Variants in ZFHX3 observed in about 807,000 individuals in gnomAD.
The protein encoded by ZFHX3 is zinc finger homeobox 3.
In ZFHX3, 42 loss-of-function variants were observed where a neutral mutation model predicts 279.1. The observed-to-expected ratio is 0.15, with a 90% CI of 0.12 to 0.19. The LOEUF (loss-of-function observed/expected upper bound fraction) is 0.19. ZFHX3 is among the 10% of genes least tolerant of loss of function. The probability of loss-of-function intolerance (pLI) is 1.00; values close to 1 mark genes in which losing one functional copy is unlikely to be tolerated. For missense variants in ZFHX3, 4,981 were observed against 4,754.0 expected (o/e 1.05, Z -1.40); for synonymous variants, 2,293 against 1,957.8 (o/e 1.17, Z -4.52).
intron 4 of ZFHX3, among the ~76,000 whole-genome samples, chr16:73,296,877 A>ATGTTTTTTTTTTTTTTTTTTTTTTTTTT (rs755308796): frequency 8.6e-6 from 1 of 116,068 alleles, no homozygotes; most frequent in Non-Finnish European, 1.7e-5. Flanking sequence ...TGAAGCAGGA[A>ATGTTTTTTTTTTTTTTTTTTTTTTTTTT]TTTTTTTTTT....
chr16:73,361,372 G>A (rs575530992), intron 3 of ZFHX3, among the ~76,000 whole-genome samples: 2 of 152,352 alleles, frequency 1.3e-5, no homozygotes, highest in East Asian at 3.9e-4. Flanking sequence ...AAGATGCTTT[G>A]GCTTGAGCGA....
chr16:73,737,001 G>T (rs988140671), intron 1 of ZFHX3, among the ~76,000 whole-genome samples: 1 of 152,060 alleles, frequency 6.6e-6, no homozygotes, highest in South Asian at 2.1e-4. Context: ...CTATATTCAG[G>T]TCTCTTTCTG....
chr16:73,240,026 T>A (rs1217505994), intron 5 of ZFHX3, among the ~76,000 whole-genome samples: 2 of 111,488 alleles, frequency 1.8e-5, no homozygotes, highest in Non-Finnish European at 3.4e-5. Flanking sequence ...TTATTTTGTG[T>A]GTGTGTGTGT....
chr16:73,613,984 C>T (rs2052273764), intron 2 of ZFHX3, among the ~76,000 whole-genome samples: 1 of 152,174 alleles, frequency 6.6e-6, no homozygotes, highest in African/African-American at 2.4e-5. Flanking sequence ...TCTTTAGATC[C>T]AAAGATCAAG....
intron 2 of ZFHX3, among the ~76,000 whole-genome samples, chr16:73,460,198 T>C (rs926651670): frequency 1.3e-5 from 2 of 150,570 alleles, no homozygotes; most frequent in Non-Finnish European, 3.0e-5. Flanking sequence ...AAGAATGTTA[T>C]ATAAATGGAA....
intron 2 of ZFHX3, among the ~76,000 whole-genome samples, chr16:73,630,023 C>G (rs952725597): frequency 6.6e-6 from 1 of 152,014 alleles, no homozygotes; most frequent in African/African-American, 2.4e-5. Flanking sequence ...CATCCCCGGC[C>G]CATCCATCAT....
intron 2 of ZFHX3, among the ~76,000 whole-genome samples, chr16:73,632,510 AC>A (rs2052484168): frequency 2.0e-5 from 3 of 151,254 alleles, no homozygotes; most frequent in Admixed American, 6.6e-5. Context: ...ACATGGTGAA[AC>A]CCCATCTCTA....
At chr16:73,478,131 C>G (rs936820420) in intron 2 of ZFHX3, among the ~76,000 whole-genome samples, 4 of 151,800 alleles carry the variant, frequency 2.6e-5, no homozygotes, top group African/African-American at 9.7e-5. Context: ...CCTAGCTGGG[C>G]GTGGTGGTCC....
chr16:72,843,700 G>A (rs1370735702), intron 4 of ZFHX3, among the ~76,000 whole-genome samples: 1 of 152,092 alleles, frequency 6.6e-6, no homozygotes, highest in African/African-American at 2.4e-5. Flanking sequence ...CCTGGGTGCT[G>A]GCTCTGCGGG....
At chr16:73,461,599 C>T (rs1207759120) in intron 2 of ZFHX3, among the ~76,000 whole-genome samples, 1 of 152,098 alleles carries the variant, frequency 6.6e-6, no homozygotes, top group African/African-American at 2.4e-5. Context: ...CTTTTGTTTA[C>T]CTATGGAAGT....
At chr16:73,499,271 C>A (rs1236281439) in intron 2 of ZFHX3, 1 of 152,158 alleles carries the variant, frequency 6.6e-6, no homozygotes, top group Admixed American at 6.6e-5. Flanking sequence ...TTTCCTTCAG[C>A]GCCACCATGC....
intron 3 of ZFHX3, among the ~76,000 whole-genome samples, chr16:73,405,551 AACAGGCCACTGTAATTTAT>A (rs1352458483): frequency 1.7e-4 from 26 of 152,138 alleles, no homozygotes; most frequent in African/African-American, 5.8e-4. Context: ...GATAGAGGGA[AACAGGCCACTGTAATTTAT>A]ACATTAGTTT....
chr16:73,550,749 A>T (rs2020191164), intron 2 of ZFHX3, among the ~76,000 whole-genome samples: 2 of 152,254 alleles, frequency 1.3e-5, no homozygotes, highest in Admixed American at 1.3e-4. Flanking sequence ...AACAAAAAGA[A>T]TTCCTTATTG....
chr16:73,873,713 GA>G lies in ZFHX3; in HGVS notation c.-1608+17937del, dbSNP rs1185407534. On this transcript the variant is annotated intron_variant, in intron 1 of 17. Transcript: ENST00000641206. ...AATTGTGCTATGACTCTTTAGAAAGGAAAAAAATGCATATGAATCAAATAAT... is the reference window on the plus strand; with the variant it reads ...AATTGTGCTATGACTCTTTAGAAAGGAAAAAATGCATATGAATCAAATAAT... Among the ~76,000 whole-genome samples, 7 of 152,112 alleles carry G rather than the reference GA, an allele frequency of 4.6e-5. 1 individual carries two copies. Among genetic ancestry groups the G allele is most frequent in the Admixed American group, 4.6e-4 (7 of 15,290 alleles).
In ZFHX3 at chr16:73,506,777, C is replaced by G. The variant is rs115967320; in HGVS notation, c.-1546-50519G>C. Among the ~76,000 whole-genome samples the G allele has an allele frequency of 2.5e-3, 383 of 152,294 alleles. 4 individuals are homozygous for G. The highest frequency in any genetic ancestry group is 8.7e-3 in the African/African-American group (361 of 41,562). ...GCAACCACAGGGTCCCAGCAGATGACAGGAGACAGCAGGTTGTATGATCCT... is the reference window on the plus strand; with the variant it reads ...GCAACCACAGGGTCCCAGCAGATGAGAGGAGACAGCAGGTTGTATGATCCT... On this transcript the variant is annotated intron_variant, in intron 2 of 17. Coordinates refer to the ZFHX3 transcript ENST00000641206.
At chr16:72,953,603 T>C (rs1408163149) in intron 2 of ZFHX3, among the ~76,000 whole-genome samples, 1 of 144,162 alleles carries the variant, frequency 6.9e-6, no homozygotes, top group South Asian at 2.4e-4. Flanking sequence ...CTTTAAGCTC[T>C]TTTTTTTTCA....
At chr16:72,917,665 C>A (rs1359622916) in intron 3 of ZFHX3, among the ~76,000 whole-genome samples, 1 of 152,112 alleles carries the variant, frequency 6.6e-6, no homozygotes, top group Non-Finnish European at 1.5e-5. Flanking sequence ...CATTTCAATT[C>A]TACGAAATAA....
At chr16:73,270,710 A>G (rs561880905) in intron 4 of ZFHX3, among the ~76,000 whole-genome samples, 6 of 152,290 alleles carry the variant, frequency 3.9e-5, no homozygotes, top group Admixed American at 2.0e-4. Context: ...CAGGCTGCTC[A>G]TTAGAACCAG....
intron 1 of ZFHX3, among the ~76,000 whole-genome samples, chr16:73,792,347 G>A (rs1172549395): frequency 2.0e-5 from 3 of 152,194 alleles, no homozygotes; most frequent in African/African-American, 7.2e-5. Flanking sequence ...AATAAAGCAC[G>A]CCAAAAGAAG....
Sources: gnomAD v4.1 joint callset for allele counts (sites outside exome capture counted in the v4.1 genomes callset) on GRCh38, gnomAD v4.1.1 for gene constraint, MANE v1.5 for transcripts, NCBI Gene and HGNC (gene_info 2026-07-23, HGNC 2026-07-21) for gene names.